Variants in RGS13 observed in about 807,000 individuals in gnomAD.
RGS13 encodes the protein regulator of G-protein signalling 13.
A neutral mutation model predicts 19.9 loss-of-function variants in RGS13; 14 were observed. The ratio of observed to expected loss-of-function variants is 0.70; its 90% CI spans 0.46 to 1.10. The LOEUF is 1.10. RGS13 is among the 50% of genes least tolerant of loss of function. The pLI, the probability that RGS13 is intolerant of heterozygous loss-of-function variation, is 0.00. For synonymous variants in RGS13, 60 were observed against 56.8 expected (o/e 1.06, Z -0.25); for missense variants, 205 against 187.1 (o/e 1.10, Z -0.56).
intron 5 of RGS13, among the ~76,000 whole-genome samples, chr1:192,656,579 A>G (rs752555223): frequency 6.6e-6 from 1 of 152,012 alleles, no homozygotes; most frequent in Non-Finnish European, 1.5e-5. Flanking sequence ...TATCTAATCT[A>G]TATCATTTTC....
At chr1:192,656,118 A>T (rs1177585994) in intron 5 of RGS13, among the ~76,000 whole-genome samples, 1 of 152,074 alleles carries the variant, frequency 6.6e-6, no homozygotes, top group Non-Finnish European at 1.5e-5. Context: ...ATAAACACAA[A>T]TTCAGAATAC....
intron 5 of RGS13, among the ~76,000 whole-genome samples, chr1:192,655,603 C>A (rs1408454934): frequency 2.0e-5 from 3 of 152,080 alleles, no homozygotes; most frequent in African/African-American, 4.8e-5. Context: ...AGTTCAATGG[C>A]CAATGCTGAC....
At chr1:192,643,946 C>G (rs533859410) in intron 3 of RGS13, among the ~76,000 whole-genome samples, 1 of 151,968 alleles carries the variant, frequency 6.6e-6, no homozygotes, top group East Asian at 1.9e-4. Context: ...GGGTGAGACC[C>G]TGTCTCAAAA....
chr1:192,641,298 GAAAGAAAGAA>G (rs1558049316), intron 3 of RGS13, among the ~76,000 whole-genome samples: 6 of 109,856 alleles, frequency 5.5e-5, no homozygotes, highest in African/African-American at 1.4e-4. Context: ...AAGAAAGAAA[GAAAGAAAGAA>G]AAGAAAGAAA....
chr1:192,658,020 C>T (rs1402390603), intron 5 of RGS13, among the ~76,000 whole-genome samples, 181 bp from the exon 6 acceptor site: 2 of 152,082 alleles, frequency 1.3e-5, no homozygotes, highest in Admixed American at 1.3e-4. Context: ...TCAAAGCACG[C>T]TTCAGATGTT....
At chr1:192,641,001 C>CT (rs1205627032) in intron 3 of RGS13, among the ~76,000 whole-genome samples, 1 of 151,714 alleles carries the variant, frequency 6.6e-6, no homozygotes, top group African/African-American at 2.4e-5. Context: ...AACGATGCCT[C>CT]CTAGAGAGAC....
intron 5 of RGS13, among the ~76,000 whole-genome samples, chr1:192,654,351 A>G (rs1244791640): frequency 6.6e-6 from 1 of 151,656 alleles, no homozygotes; most frequent in Non-Finnish European, 1.5e-5. Context: ...TAAAAAATAC[A>G]TTAAAATAAA....
intron 5 of RGS13, among the ~76,000 whole-genome samples, chr1:192,649,923 C>T (rs2102034693): frequency 6.6e-6 from 1 of 152,076 alleles, no homozygotes; most frequent in East Asian, 1.9e-4. Flanking sequence ...GGCTTTCTCC[C>T]TAGATTATAA....
chr1:192,647,940 A>T lies in RGS13; in HGVS notation c.80A>T (p.Glu27Val), dbSNP rs1473570790. 4.4e-6 allele frequency: 7 copies of T among 1,599,290 alleles called. No homozygotes were observed. The highest frequency in any genetic ancestry group is 2.3e-5 in the East Asian group (1 of 44,088). Reference protein sequence around the residue: ...KRPPSNLTLEEVLQWAQSFEN... With the variant: ...KRPPSNLTLEVVLQWAQSFEN... ...TCTTTTCAAAGCCTTACTTTGGAGG[A>T]AGTATTACAGTGGGCCCAGTCTTTT... The change falls in exon 5 of 7, where the codon GAA becomes GTA. Residue 27 changes from glutamate (E) to valine (V), a missense_variant. Transcript: ENST00000391995.
intron 3 of RGS13, among the ~76,000 whole-genome samples, chr1:192,638,914 T>TA (rs1558048409): frequency 2.6e-5 from 4 of 152,136 alleles, no homozygotes; most frequent in Admixed American, 2.0e-4. Flanking sequence ...TACTTATATG[T>TA]AATCATCAAA....
intron 5 of RGS13, among the ~76,000 whole-genome samples, chr1:192,654,606 G>C (rs1663402668): frequency 6.6e-6 from 1 of 151,996 alleles, no homozygotes; most frequent in Non-Finnish European, 1.5e-5. Flanking sequence ...AATTGGTTTA[G>C]AGGCATTTCT....
chr1:192,642,029 T>A (rs373460906), intron 3 of RGS13, among the ~76,000 whole-genome samples: 8 of 152,298 alleles, frequency 5.3e-5, no homozygotes, highest in African/African-American at 1.9e-4. Context: ...GGCTCCCTGA[T>A]GACACTCTGG....
chr1:192,658,122 C>CT (rs945908001), intron 5 of RGS13, 79 bp from the exon 6 acceptor site: 83 of 1,008,310 alleles, frequency 8.2e-5, no homozygotes, highest in Middle Eastern at 2.5e-4. Flanking sequence ...TTTAATCAGG[C>CT]TTTTTTTTAA....
chr1:192,655,277 G>A (rs189392156), intron 5 of RGS13, among the ~76,000 whole-genome samples: 1 of 152,114 alleles, frequency 6.6e-6, no homozygotes, highest in Non-Finnish European at 1.5e-5. Flanking sequence ...CTGCACGCTA[G>A]AATTATATCT....
intron 3 of RGS13, among the ~76,000 whole-genome samples, chr1:192,642,487 A>T (rs1333388429): frequency 6.6e-6 from 1 of 151,058 alleles, no homozygotes. Context: ...ATGCCCAGCT[A>T]ATTTTTTTTT....
chr1:192,659,276 C>T, intron 6 of RGS13, 62 bp from the exon 7 acceptor site: 1 of 1,242,876 alleles, frequency 8.0e-7, no homozygotes, highest in Non-Finnish European at 1.1e-6. Context: ...AACCTTTCTA[C>T]TATATGTGCC....
intron 3 of RGS13, among the ~76,000 whole-genome samples, chr1:192,641,220 G>T (rs927539655): frequency 1.9e-5 from 1 of 53,886 alleles, no homozygotes; most frequent in Non-Finnish European, 3.7e-5. Context: ...AAGAAAGAAA[G>T]AGAGAAAGAA....
chr1:192,653,588 G>T (rs550731191), intron 5 of RGS13, among the ~76,000 whole-genome samples: 1 of 151,810 alleles, frequency 6.6e-6, no homozygotes, highest in East Asian at 1.9e-4. Flanking sequence ...ATAATAGAGT[G>T]GCTAAATATG....
At chr1:192,658,630 G>A (rs3818329) in intron 6 of RGS13, 31,794 of 324,422 alleles carry the variant, frequency 0.098, 4,980 homozygotes, top group African/African-American at 0.44. Context: ...AAATTATCTT[G>A]ATTTCTAGGA....
Sources: gnomAD v4.1 joint callset for allele counts (sites outside exome capture counted in the v4.1 genomes callset) on GRCh38, gnomAD v4.1.1 for gene constraint, MANE v1.5 for transcripts, NCBI Gene and HGNC (gene_info 2026-07-23, HGNC 2026-07-21) for gene names.